Variants in TC2N observed in about 807,000 individuals in gnomAD.
The protein encoded by TC2N is tandem C2 domains nuclear protein.
A neutral mutation model predicts 61.9 loss-of-function variants in TC2N; 51 were observed. That is an observed-to-expected ratio of 0.82 (90% CI 0.66 to 1.04). The LOEUF is 1.04. TC2N is among the 50% of genes least tolerant of loss of function. The pLI is 0.00. For synonymous variants in TC2N, 204 were observed against 192.6 expected, an observed-to-expected ratio of 1.06 and a Z score of -0.49; for missense variants, 556 against 566.7, an observed-to-expected ratio of 0.98 and a Z score of 0.19.
At chr14:91,845,344 A>G (rs1305267105) in intron 1 of TC2N, among the ~76,000 whole-genome samples, 7 of 152,228 alleles carry the variant, frequency 4.6e-5, no homozygotes, top group Admixed American at 4.6e-4. Flanking sequence ...GGCATTACAG[A>G]TAAGTAACTT....
intron 1 of TC2N, among the ~76,000 whole-genome samples, chr14:91,863,523 T>G (rs767899418): frequency 2.0e-5 from 3 of 152,242 alleles, no homozygotes; most frequent in African/African-American, 7.2e-5. Flanking sequence ...AAAGGTGAGA[T>G]AGCTTGAAGT....
intron 1 of TC2N, among the ~76,000 whole-genome samples, chr14:91,831,313 A>C (rs1887760911): frequency 6.6e-6 from 1 of 152,206 alleles, no homozygotes; most frequent in African/African-American, 2.4e-5. Context: ...TATAGTCTAC[A>C]TTAGAGTAGC....
intron 3 of TC2N, among the ~76,000 whole-genome samples, chr14:91,808,962 ATGT>A (rs1203882207): frequency 6.6e-6 from 1 of 152,168 alleles, no homozygotes; most frequent in Non-Finnish European, 1.5e-5. Context: ...TTTAATCCCA[ATGT>A]TGTTAATAAG....
At chr14:91,821,953 C>T (rs746666728) in intron 1 of TC2N, among the ~76,000 whole-genome samples, 1 of 152,034 alleles carries the variant, frequency 6.6e-6, no homozygotes, top group Non-Finnish European at 1.5e-5. Context: ...TATAAAAAGA[C>T]AACAATATAC....
chr14:91,790,252 T>C (rs1885581440), intron 9 of TC2N, among the ~76,000 whole-genome samples: 1 of 152,232 alleles, frequency 6.6e-6, no homozygotes, highest in Admixed American at 6.5e-5. Context: ...TTTACATTAC[T>C]ATTTGTCAAG....
chr14:91,829,968 A>G (rs1036424391), intron 1 of TC2N, among the ~76,000 whole-genome samples: 3 of 152,184 alleles, frequency 2.0e-5, no homozygotes, highest in African/African-American at 7.2e-5. Context: ...AATGCCACTG[A>G]TCATTAGGAA....
intron 3 of TC2N, among the ~76,000 whole-genome samples, chr14:91,804,458 A>C (rs1886410636): frequency 6.6e-6 from 1 of 152,170 alleles, no homozygotes; most frequent in Non-Finnish European, 1.5e-5. Flanking sequence ...CAACAGTAAA[A>C]TAGATATAGT....
At chr14:91,840,269 C>T (rs537163500) in intron 1 of TC2N, among the ~76,000 whole-genome samples, 10 of 152,108 alleles carry the variant, frequency 6.6e-5, no homozygotes, top group Admixed American at 3.3e-4. Flanking sequence ...TTTTCTAACA[C>T]CTGGATTTAC....
At chr14:91,793,809 G>A (rs1352408391) in intron 8 of TC2N, among the ~76,000 whole-genome samples, 6 of 152,036 alleles carry the variant, frequency 3.9e-5, no homozygotes, top group Admixed American at 2.0e-4. Context: ...ACCCTAAAAT[G>A]CCCTCTAAGT....
intron 1 of TC2N, among the ~76,000 whole-genome samples, chr14:91,847,396 A>C (rs1037807389): frequency 1.3e-5 from 2 of 152,222 alleles, no homozygotes; most frequent in African/African-American, 4.8e-5. Flanking sequence ...CTGGTCAACC[A>C]GCAAAGTAGA....
intron 11 of TC2N, 67 bp downstream of exon 11, chr14:91,785,095 T>A (rs1595216992): frequency 9.2e-7 from 1 of 1,091,190 alleles, no homozygotes; most frequent in East Asian, 2.4e-5. Context: ...TTATCCTGTA[T>A]TCCCTTTGTT....
intron 1 of TC2N, among the ~76,000 whole-genome samples, chr14:91,824,924 T>G (rs1887422327): frequency 6.6e-6 from 1 of 151,814 alleles, no homozygotes; most frequent in Non-Finnish European, 1.5e-5. Context: ...TGCAAGGTAC[T>G]AAGCAACAGA....
intron 10 of TC2N, 75 bp from the exon 11 acceptor site, chr14:91,785,436 G>A: frequency 9.8e-7 from 1 of 1,020,672 alleles, no homozygotes; most frequent in Admixed American, 2.1e-5. Flanking sequence ...ACACATCCAA[G>A]TTGGAATATA....
intron 8 of TC2N, 26 bp downstream of exon 8, chr14:91,797,759 A>G: frequency 1.5e-6 from 2 of 1,377,962 alleles, no homozygotes; most frequent in Non-Finnish European, 1.0e-6. Flanking sequence ...AACAGAAAAG[A>G]AATTCAAATA....
intron 9 of TC2N, among the ~76,000 whole-genome samples, chr14:91,789,409 C>T (rs573531337): frequency 6.7e-6 from 1 of 150,034 alleles, no homozygotes; most frequent in Admixed American, 6.6e-5. Flanking sequence ...CTGGCTAACA[C>T]GGTGAAACCC....
intron 5 of TC2N, 45 bp downstream of exon 5, chr14:91,800,236 G>T: frequency 8.1e-7 from 1 of 1,238,116 alleles, no homozygotes; most frequent in Non-Finnish European, 1.1e-6. Flanking sequence ...TTTTTAATTT[G>T]AAAGGAAATT....
At chr14:91,833,895 T>C (rs1326146941) in intron 1 of TC2N, among the ~76,000 whole-genome samples, 3 of 152,134 alleles carry the variant, frequency 2.0e-5, no homozygotes, top group Non-Finnish European at 4.4e-5. Context: ...AAAATACTCA[T>C]AAAATGATTT....
chr14:91,805,025 T>C (rs1485443783), intron 3 of TC2N, among the ~76,000 whole-genome samples: 1 of 152,230 alleles, frequency 6.6e-6, no homozygotes, highest in Non-Finnish European at 1.5e-5. Flanking sequence ...GAATAATATG[T>C]AGACATAAAG....
At chr14:91,830,424 T>C (rs191403933) in intron 1 of TC2N, among the ~76,000 whole-genome samples, 1 of 152,320 alleles carries the variant, frequency 6.6e-6, no homozygotes, top group East Asian at 1.9e-4. Context: ...TTGAAAACAT[T>C]ATGCTAAGAA....
Sources: gnomAD v4.1 joint callset for allele counts (sites outside exome capture counted in the v4.1 genomes callset) on GRCh38, gnomAD v4.1.1 for gene constraint, MANE v1.5 for transcripts, NCBI Gene and HGNC (gene_info 2026-07-23, HGNC 2026-07-21) for gene names.